Variants in EXOC2 observed in about 807,000 individuals in gnomAD.
EXOC2 encodes SEC5-like 1.
In EXOC2, 70 loss-of-function variants were observed where a neutral mutation model predicts 131.8. The observed-to-expected ratio is 0.53, with a 90% confidence interval of 0.44 to 0.65. The LOEUF (loss-of-function observed/expected upper bound fraction) is 0.65. EXOC2 is among the 30% of genes least tolerant of loss of function. The pLI, the probability that EXOC2 is intolerant of heterozygous loss-of-function variation, is 0.00. For synonymous variants in EXOC2, 411 were observed against 398.4 expected, an observed-to-expected ratio of 1.03 and a Z score of -0.38; for missense variants, 923 against 1,108.6, an observed-to-expected ratio of 0.83 and a Z score of 2.38.
At chr6:560,420 T>C (rs1371670368) in intron 17 of EXOC2, among the ~76,000 whole-genome samples, 1 of 152,244 alleles carries the variant, frequency 6.6e-6, no homozygotes, top group Non-Finnish European at 1.5e-5. Context: ...AGAAGCCATG[T>C]AAGAAATCTT....
chr6:589,922 C>A (rs1351673772), intron 11 of EXOC2, among the ~76,000 whole-genome samples: 1 of 152,124 alleles, frequency 6.6e-6, no homozygotes, highest in African/African-American at 2.4e-5. Context: ...CTGGCTAACA[C>A]CGTGATGGGG....
At chr6:617,671 G>A (rs1225965062) in intron 6 of EXOC2, 40 bp downstream of exon 6, 1 of 1,595,678 alleles carries the variant, frequency 6.3e-7, no homozygotes, top group South Asian at 1.1e-5. Flanking sequence ...GGGTTTCCAT[G>A]GCGGAAGCTG....
chr6:614,145 C>T (rs1760857967), intron 6 of EXOC2, among the ~76,000 whole-genome samples: 1 of 152,030 alleles, frequency 6.6e-6, no homozygotes, highest in Admixed American at 6.6e-5. Context: ...TTGAAATGTT[C>T]TGCCTGATAA....
chr6:643,530 T>G (rs1369841888), intron 1 of EXOC2, among the ~76,000 whole-genome samples: 1 of 152,138 alleles, frequency 6.6e-6, no homozygotes, highest in Non-Finnish European at 1.5e-5. Flanking sequence ...TTATCAAAAT[T>G]TGTGGAATGC....
At chr6:689,767 C>G (rs889964231) in intron 1 of EXOC2, among the ~76,000 whole-genome samples, 1 of 152,168 alleles carries the variant, frequency 6.6e-6, no homozygotes, top group African/African-American at 2.4e-5. Context: ...CCAGAATGAG[C>G]TTAGTCTTTT....
chr6:493,210 C>T (rs1763536225), intron 25 of EXOC2, among the ~76,000 whole-genome samples: 1 of 152,200 alleles, frequency 6.6e-6, no homozygotes, highest in Non-Finnish European at 1.5e-5. Context: ...ATATATATGA[C>T]ACAGGATATT....
intron 1 of EXOC2, among the ~76,000 whole-genome samples, chr6:650,188 G>C (rs1479884071): frequency 2.0e-5 from 3 of 152,190 alleles, no homozygotes; most frequent in African/African-American, 7.2e-5. Flanking sequence ...TATCCAAGCT[G>C]TAAGTCTATT....
chr6:653,000 G>A (rs1469053702), intron 1 of EXOC2, among the ~76,000 whole-genome samples: 1 of 152,164 alleles, frequency 6.6e-6, no homozygotes, highest in Non-Finnish European at 1.5e-5. Context: ...ATCTGTCATG[G>A]TGATCTGTGA....
intron 17 of EXOC2, among the ~76,000 whole-genome samples, chr6:557,735 A>T (rs1275782470): frequency 2.0e-5 from 3 of 152,008 alleles, no homozygotes; most frequent in Non-Finnish European, 2.9e-5. Flanking sequence ...TGATGCTGAG[A>T]CGGGAAGGGG....
At chr6:640,231 T>C (rs977978321) in intron 1 of EXOC2, among the ~76,000 whole-genome samples, 1 of 152,172 alleles carries the variant, frequency 6.6e-6, no homozygotes, top group African/African-American at 2.4e-5. Context: ...GTAAGGGAAC[T>C]TCAGATAAAC....
At chr6:504,061 G>A (rs186323609) in intron 23 of EXOC2, among the ~76,000 whole-genome samples, 6 of 152,354 alleles carry the variant, frequency 3.9e-5, no homozygotes, top group African/African-American at 1.2e-4. Flanking sequence ...GGCCCGGCTC[G>A]CTGGCTCCAT....
intron 23 of EXOC2, among the ~76,000 whole-genome samples, chr6:523,931 T>C (rs1476511281): frequency 1.3e-5 from 2 of 152,228 alleles, no homozygotes; most frequent in Non-Finnish European, 2.9e-5. Context: ...TTGAAGGTGA[T>C]GTTTGGGGTA....
At chr6:492,950 C>G (rs989618763) in intron 25 of EXOC2, among the ~76,000 whole-genome samples, 1 of 152,222 alleles carries the variant, frequency 6.6e-6, no homozygotes, top group Non-Finnish European at 1.5e-5. Flanking sequence ...TAAGCTTTCA[C>G]TTCTACGCAA....
intron 11 of EXOC2, among the ~76,000 whole-genome samples, chr6:583,719 A>G (rs922941554): frequency 8.5e-5 from 13 of 152,144 alleles, no homozygotes; most frequent in Non-Finnish European, 7.4e-5. Flanking sequence ...GGTAAATAAA[A>G]CCCCACTAAG....
At chr6:495,986 A>G (rs1763713539) in intron 25 of EXOC2, among the ~76,000 whole-genome samples, 1 of 152,112 alleles carries the variant, frequency 6.6e-6, no homozygotes, top group African/African-American at 2.4e-5. Flanking sequence ...ATCTATTATT[A>G]TCATCTAGTA....
chr6:567,669 TTG>T (rs528708880), intron 13 of EXOC2, among the ~76,000 whole-genome samples: 70 of 152,218 alleles, frequency 4.6e-4, no homozygotes, highest in Middle Eastern at 6.8e-3. Context: ...ACATGATGTG[TTG>T]TGTGTCTGTT....
intron 23 of EXOC2, among the ~76,000 whole-genome samples, chr6:518,172 A>T (rs1056512266): frequency 6.6e-6 from 1 of 152,050 alleles, no homozygotes; most frequent in Non-Finnish European, 1.5e-5. Context: ...ACGTTTCTTT[A>T]AAAAAAATCA....
intron 1 of EXOC2, among the ~76,000 whole-genome samples, chr6:681,878 C>T (rs1217649858): frequency 6.6e-6 from 1 of 152,180 alleles, no homozygotes; most frequent in Non-Finnish European, 1.5e-5. Flanking sequence ...AGGATAATTC[C>T]CCCTTTAGTT....
intron 1 of EXOC2, among the ~76,000 whole-genome samples, chr6:674,217 A>G: frequency 6.6e-6 from 1 of 152,192 alleles, no homozygotes; most frequent in East Asian, 1.9e-4. Context: ...TGAGTTTTTT[A>G]TTGCCATGAT....
Sources: gnomAD v4.1 joint callset for allele counts (sites outside exome capture counted in the v4.1 genomes callset) on GRCh38, gnomAD v4.1.1 for gene constraint, MANE v1.5 for transcripts, NCBI Gene and HGNC (gene_info 2026-07-23, HGNC 2026-07-21) for gene names.